Variants in ABCC9 observed in about 807,000 individuals in gnomAD.
ABCC9 encodes the protein ATP-binding cassette sub-family C member 9.
Under a neutral mutation model 188.3 loss-of-function variants are expected in ABCC9, and 95 were observed. That is an observed-to-expected ratio of 0.50 (90% confidence interval 0.43 to 0.60). The LOEUF (loss-of-function observed/expected upper bound fraction) is 0.60, where lower values mean the gene tolerates loss of function less well. Ranked by LOEUF, ABCC9 falls within the 20% of genes least tolerant of loss-of-function variation. The pLI is 0.00. For synonymous variants in ABCC9, 659 were observed against 652.7 expected, an observed-to-expected ratio of 1.01 and a Z score of -0.15; for missense variants, 1,102 against 1,876.3, an observed-to-expected ratio of 0.59 and a Z score of 7.62.
At chr12:21,895,756 T>C (rs559125623) in intron 12 of ABCC9, among the ~76,000 whole-genome samples, 1 of 152,198 alleles carries the variant, frequency 6.6e-6, no homozygotes, top group South Asian at 2.1e-4. Flanking sequence ...TTTCCAGCAG[T>C]GTTATTAATA....
At chr12:21,805,071 C>T (rs1941739206) in intron 39 of ABCC9, 8 of 1,551,906 alleles carry the variant, frequency 5.2e-6, no homozygotes, top group Middle Eastern at 1.7e-4. Context: ...TCCCTCATCT[C>T]AGCCCTTCCC....
chr12:21,875,429 G>A (rs1199518684), intron 17 of ABCC9, among the ~76,000 whole-genome samples: 2 of 152,164 alleles, frequency 1.3e-5, no homozygotes, highest in African/African-American at 2.4e-5. Context: ...CAAATGAACA[G>A]TAAATAATTG....
At chr12:21,936,905 A>T (rs1949511347) in intron 2 of ABCC9, among the ~76,000 whole-genome samples, 1 of 152,180 alleles carries the variant, frequency 6.6e-6, no homozygotes, top group Non-Finnish European at 1.5e-5. Flanking sequence ...TTTTACTTCC[A>T]GAGAAAAATG....
chr12:21,897,812 T>A (rs1023568358), intron 12 of ABCC9, among the ~76,000 whole-genome samples: 2 of 151,650 alleles, frequency 1.3e-5, no homozygotes, highest in African/African-American at 4.9e-5. Context: ...GACTTCTTAC[T>A]GCTCTCCCCT....
intron 5 of ABCC9, among the ~76,000 whole-genome samples, chr12:21,918,173 A>G (rs1279579086): frequency 1.3e-5 from 2 of 152,130 alleles, no homozygotes; most frequent in African/African-American, 4.8e-5. Flanking sequence ...TTAATGTCAA[A>G]CAAAGCCGAC....
At chr12:21,883,128 A>C (rs1479719737) in intron 15 of ABCC9, among the ~76,000 whole-genome samples, 1 of 152,240 alleles carries the variant, frequency 6.6e-6, no homozygotes, top group Non-Finnish European at 1.5e-5. Context: ...TAAAGTACAG[A>C]GTCCCAAACT....
At chr12:21,912,764 T>C in intron 8 of ABCC9, 108 bp downstream of exon 8, 1 of 602,930 alleles carries the variant, frequency 1.7e-6, no homozygotes, top group Non-Finnish European at 2.6e-6. Context: ...TTCAATTCTC[T>C]GAAAAAAAGC....
chr12:21,818,803 C>T (rs967607795), intron 31 of ABCC9, among the ~76,000 whole-genome samples: 2 of 151,660 alleles, frequency 1.3e-5, no homozygotes, highest in East Asian at 1.9e-4. Flanking sequence ...AGAAATTTGT[C>T]TGTGGTTAAC....
chr12:21,823,631 A>G (rs1449195124), intron 31 of ABCC9, among the ~76,000 whole-genome samples: 1 of 152,198 alleles, frequency 6.6e-6, no homozygotes, highest in East Asian at 1.9e-4. Flanking sequence ...CTTCCACCAC[A>G]CAGCAAGACA....
At chr12:21,805,153 G>T in intron 39 of ABCC9, 1 of 1,613,834 alleles carries the variant, frequency 6.2e-7, no homozygotes, top group Non-Finnish European at 8.5e-7. Context: ...TGACAGACTT[G>T]GTGCAATAGA....
chr12:21,812,493 T>C (rs541270820), intron 35 of ABCC9, among the ~76,000 whole-genome samples: 1 of 152,262 alleles, frequency 6.6e-6, no homozygotes, highest in East Asian at 1.9e-4. Context: ...ATATGGCACA[T>C]ATACACCATG....
intron 33 of ABCC9, 147 bp downstream of exon 33, chr12:21,817,040 G>A (rs1460416032): frequency 4.8e-6 from 4 of 827,110 alleles, no homozygotes; most frequent in Admixed American, 4.2e-5. Context: ...CTTTTCCGGT[G>A]TACATAATCA....
chr12:21,802,163 T>C (rs1478364601), intron 39 of ABCC9, among the ~76,000 whole-genome samples: 1 of 152,188 alleles, frequency 6.6e-6, no homozygotes, highest in African/African-American at 2.4e-5. Context: ...CTTAACATTG[T>C]ATAGTTCCAG....
At position 21,822,705 on chromosome 12, in the gene ABCC9, C is replaced by G. The variant is rs981240949; in HGVS notation, c.3670-4454G>C. 5.3e-5 allele frequency among the ~76,000 whole-genome samples: 8 copies of G among 150,228 alleles called. No homozygotes were observed. The South Asian group carries it at 1.1e-3, about 20-fold the overall frequency. On this transcript the variant is annotated intron_variant, in intron 31 of 39. Coordinates refer to ENST00000261200, the MANE Select transcript of ABCC9 (RefSeq NM_020297.4). ...ATTCGGGAGGCTGAGGCAGAAGAAT[C>G]ACTTGAACCCGGGAGGCAGAGGTTG...
At chr12:21,884,304 T>C (rs897927508) in intron 15 of ABCC9, among the ~76,000 whole-genome samples, 1 of 152,136 alleles carries the variant, frequency 6.6e-6, no homozygotes, top group African/African-American at 2.4e-5. Flanking sequence ...AACACCTGGA[T>C]ACAAGCTATC....
rs1174310242 is a variant in ABCC9 at position 21,907,008 on chromosome 12, T to C, written c.1456-720A>G. On this transcript the variant is annotated intron_variant, in intron 11 of 39. Coordinates refer to ENST00000261200, the MANE Select transcript of ABCC9 (RefSeq NM_020297.4). Reference sequence around the variant, plus strand: ...TACTAACAAGGTAATATATGACTAATTAACTATCAAAAGGGGCAGTAGAGT... The same window carrying C: ...TACTAACAAGGTAATATATGACTAACTAACTATCAAAAGGGGCAGTAGAGT... Among the ~76,000 whole-genome samples the C allele has an allele frequency of 2.0e-5, 3 of 152,106 alleles. No individual in the cohort carries two copies. The South Asian group carries it at 6.2e-4, about 31-fold the overall frequency.
chr12:21,919,410 A>G (rs552969930), intron 5 of ABCC9, among the ~76,000 whole-genome samples: 1 of 152,102 alleles, frequency 6.6e-6, no homozygotes, highest in East Asian at 1.9e-4. Flanking sequence ...TTATGACAAT[A>G]TATCCAAAAA....
At chr12:21,936,254 T>C (rs988494130) in intron 3 of ABCC9, among the ~76,000 whole-genome samples, 2 of 152,198 alleles carry the variant, frequency 1.3e-5, no homozygotes, top group Non-Finnish European at 2.9e-5. Context: ...GCTCAACTAA[T>C]GCTGTAGATC....
At chr12:21,848,103 T>A in intron 25 of ABCC9, 47 bp downstream of exon 25, 2 of 1,555,694 alleles carry the variant, frequency 1.3e-6, no homozygotes, top group Non-Finnish European at 1.8e-6. Context: ...AACCCTCGCA[T>A]CCTGTTATCC....
Sources: gnomAD v4.1 joint callset for allele counts (sites outside exome capture counted in the v4.1 genomes callset) on GRCh38, gnomAD v4.1.1 for gene constraint, MANE v1.5 for transcripts, NCBI Gene and HGNC (gene_info 2026-07-23, HGNC 2026-07-21) for gene names.